Variants in ABCA10 observed in about 807,000 individuals in gnomAD.
ABCA10 encodes the protein ATP binding cassette subfamily A member 10, also known as ATP-binding cassette sub-family A member 10.
ABCA10 carries 169 observed loss-of-function variants against 187.5 expected under a neutral mutation model. The ratio of observed to expected loss-of-function variants is 0.90; its 90% CI spans 0.80 to 1.02. ABCA10 has a LOEUF of 1.02. Among genes scored for constraint, ABCA10 ranks in the 50% least tolerant of loss-of-function variants. ABCA10 has a pLI of 0.00. For missense variants in ABCA10, 1,727 were observed against 1,812.4 expected, an observed-to-expected ratio of 0.95 and a Z score of 0.86; for synonymous variants, 574 against 601.8, an observed-to-expected ratio of 0.95 and a Z score of 0.68.
chr17:69,238,014 T>C (rs1423585082), intron 1 of ABCA10, among the ~76,000 whole-genome samples: 1 of 151,606 alleles, frequency 6.6e-6, no homozygotes, highest in Non-Finnish European at 1.5e-5. Context: ...ATACAAAAAT[T>C]AGATGGGCAT....
chr17:69,197,711 G>T (rs1366735793), intron 10 of ABCA10, among the ~76,000 whole-genome samples: 2 of 152,040 alleles, frequency 1.3e-5, no homozygotes, highest in African/African-American at 4.8e-5. Flanking sequence ...GTTTTCTTAA[G>T]TCTCTAACTC....
rs372750572 is a variant in ABCA10 at position 69,153,475 on chromosome 17, C to T, written c.4037G>A (p.Arg1346Lys). Residue 1346 changes from arginine to lysine, a missense_variant, in exon 33 of 39, where the codon AGA becomes AAA. Physicochemically the swap from Arg to Lys is conservative, Grantham distance 26 (BLOSUM62 2). Transcript: ENST00000690296. ...AACCCCGAGCCTGGCCCATACCTTT[C>T]TCTTTATTCCCTCTGATAGAGTTTT... ...PVKTLSEGIK[R>K]KLCFVLSILG... is the part of the protein sequence containing the mutation. The T allele has an allele frequency of 2.1e-5, 34 of 1,614,164 alleles. No homozygotes were observed. In the African/African-American group the frequency reaches 3.9e-4, roughly 18 times the overall value.
chr17:69,236,996 T>G (rs942505439), intron 1 of ABCA10, among the ~76,000 whole-genome samples: 1 of 152,200 alleles, frequency 6.6e-6, no homozygotes, highest in East Asian at 1.9e-4. Context: ...ATATTTTGGA[T>G]AGTGAAGAGG....
chr17:69,241,734 T>C (rs1459353759), intron 1 of ABCA10, among the ~76,000 whole-genome samples: 2 of 152,204 alleles, frequency 1.3e-5, no homozygotes, highest in Non-Finnish European at 2.9e-5. Flanking sequence ...TAACATACTA[T>C]GTATTTTTTT....
chr17:69,235,722 T>C (rs2074864457), intron 1 of ABCA10, among the ~76,000 whole-genome samples: 1 of 151,884 alleles, frequency 6.6e-6, no homozygotes, highest in Non-Finnish European at 1.5e-5. Context: ...TGCATTGTGC[T>C]GCTTCCACCT....
intron 27 of ABCA10, among the ~76,000 whole-genome samples, chr17:69,163,203 T>G (rs1000184207): frequency 6.6e-6 from 1 of 152,182 alleles, no homozygotes; most frequent in South Asian, 2.1e-4. Flanking sequence ...GAGTCCCATC[T>G]TGTCTAATGT....
intron 13 of ABCA10, 73 bp from the exon 14 acceptor site, chr17:69,193,685 A>G: frequency 1.3e-6 from 2 of 1,549,722 alleles, no homozygotes; most frequent in Non-Finnish European, 1.7e-6. Context: ...TAAAAATGAA[A>G]AGGATTTAGT....
At chr17:69,225,702 T>C (rs2074788472) in intron 2 of ABCA10, among the ~76,000 whole-genome samples, 173 bp from the exon 3 acceptor site, 1 of 152,086 alleles carries the variant, frequency 6.6e-6, no homozygotes, top group Non-Finnish European at 1.5e-5. Flanking sequence ...AAACACCCTT[T>C]CAAAAATACA....
At chr17:69,182,936 G>GTA in intron 20 of ABCA10, 128 bp from the exon 21 acceptor site, 1 of 1,204,942 alleles carries the variant, frequency 8.3e-7, no homozygotes, top group Non-Finnish European at 1.1e-6. Context: ...AAAGAGCCTT[G>GTA]CTCTTTAGGA....
intron 3 of ABCA10, among the ~76,000 whole-genome samples, chr17:69,224,417 T>C (rs1228909623): frequency 1.3e-5 from 2 of 152,110 alleles, no homozygotes; most frequent in Non-Finnish European, 2.9e-5. Context: ...TAGGCTAAGA[T>C]TGCTGAAGAA....
intron 8 of ABCA10, among the ~76,000 whole-genome samples, chr17:69,215,156 G>A (rs1291958345): frequency 6.6e-6 from 1 of 152,038 alleles, no homozygotes; most frequent in Non-Finnish European, 1.5e-5. Context: ...CATACTTTGG[G>A]AAGGAAAACT....
intron 27 of ABCA10, among the ~76,000 whole-genome samples, chr17:69,158,196 G>A (rs1468834411): frequency 5.9e-5 from 9 of 152,070 alleles, no homozygotes; most frequent in East Asian, 1.9e-4. Flanking sequence ...ATGTAAGGAC[G>A]CCTTCTTGCA....
At chr17:69,154,124 AT>A in intron 31 of ABCA10, 110 bp downstream of exon 31, 1 of 1,449,346 alleles carries the variant, frequency 6.9e-7, no homozygotes, top group Non-Finnish European at 9.3e-7. Context: ...CGCAAGAGAA[AT>A]TTTATAAATT....
In ABCA10 at chr17:69,149,996, T is replaced by C; in HGVS notation, c.4465A>G (p.Lys1489Glu). The C allele has an allele frequency of 3.1e-6, 5 of 1,611,820 alleles. No individual in the cohort carries two copies. The highest frequency in any genetic ancestry group is 3.4e-6 in the Non-Finnish European group (4 of 1,178,460). ...TACCCAAACTTACTCGCCTCTAACTTGAAAAAGGCCCGAGATAGAGGGTGG... is the reference window on the plus strand; with the variant it reads ...TACCCAAACTTACTCGCCTCTAACTCGAAAAAGGCCCGAGATAGAGGGTGG... ...DVHPLSRAFFKLEAMKQTFNL... is the reference protein window; with the variant it reads ...DVHPLSRAFFELEAMKQTFNL... Residue 1489 changes from lysine (K) to glutamate (E), a missense_variant, in exon 37 of 39, where the codon AAG (lysine) becomes GAG (glutamate). Physicochemically the swap from Lys to Glu is moderately conservative, Grantham distance 56. Transcript: ENST00000690296.
chr17:69,205,837 T>C (rs1568067981), intron 9 of ABCA10, among the ~76,000 whole-genome samples: 1 of 152,156 alleles, frequency 6.6e-6, no homozygotes, highest in East Asian at 1.9e-4. Flanking sequence ...GTGAAGGACT[T>C]AAAGAAACAT....
In ABCA10 at chr17:69,190,403, C is replaced by A. The variant is rs1276707545; in HGVS notation, c.2086G>T (p.Glu696Ter). The part of the protein sequence containing the change: ...NYAVSVTSLN[E>*]VFLNLEGKSA... The stretch of plus-strand genomic sequence containing the variant: ...TTTCCTTCTAGGTTCAAGAATACTT[C>A]ATTCAGAGATGTCACTGAAACAGCA... The change falls in exon 18 of 39, where the codon GAA becomes TAA. Residue 696 changes from glutamate (E) to a stop codon, truncating the protein, a stop_gained. Coordinates refer to ENST00000690296, the MANE Select transcript of ABCA10 (RefSeq NM_001377321.1). LOFTEE classifies it high-confidence loss of function. The A allele has an allele frequency of 6.3e-7, 1 of 1,579,662 alleles. No homozygotes were observed. The highest frequency in any genetic ancestry group is 1.4e-5 in the African/African-American group (1 of 72,542).
At chr17:69,213,557 A>G (rs1053912603) in intron 9 of ABCA10, among the ~76,000 whole-genome samples, 3 of 152,176 alleles carry the variant, frequency 2.0e-5, no homozygotes, top group African/African-American at 7.2e-5. Context: ...CAGCAAGGCC[A>G]GTCTCACTCC....
chr17:69,155,699 A>C (rs1299097392), intron 29 of ABCA10, 106 bp downstream of exon 29: 1 of 1,362,164 alleles, frequency 7.3e-7, no homozygotes, highest in Non-Finnish European at 9.9e-7. Context: ...AAATAGAAAT[A>C]TTAAAGAAAC....
At chr17:69,231,040 T>C (rs955552441), upstream of ABCA10, among the ~76,000 whole-genome samples, 5 of 152,204 alleles carry the variant, frequency 3.3e-5, no homozygotes, top group Non-Finnish European at 5.9e-5. Context: ...ATTAGTTTCC[T>C]AGGGCTGCCA....
Sources: gnomAD v4.1 joint callset for allele counts (sites outside exome capture counted in the v4.1 genomes callset) on GRCh38, gnomAD v4.1.1 for gene constraint, MANE v1.5 for transcripts, NCBI Gene and HGNC (gene_info 2026-07-23, HGNC 2026-07-21) for gene names.